ELAVL4: variants seen among roughly 807,000 people sequenced by gnomAD.
ELAVL4 encodes ELAV like RNA binding protein 4, also known as ELAV-like protein 4.
In ELAVL4, 1 loss-of-function variant was observed where a neutral mutation model predicts 35.6. The ratio of observed to expected loss-of-function variants is 0.03; its 90% CI spans 0.01 to 0.13. The LOEUF (loss-of-function observed/expected upper bound fraction) is 0.13, where lower values mean the gene tolerates loss of function less well. Among genes scored for constraint, ELAVL4 ranks in the 10% least tolerant of loss-of-function variants. The pLI is 1.00. For missense variants in ELAVL4, 267 were observed against 464.9 expected (o/e 0.57, Z 3.91); for synonymous variants, 156 against 171.0 (o/e 0.91, Z 0.69).
chr1:50,166,393 T>C (rs771112059), intron 2 of ELAVL4, among the ~76,000 whole-genome samples: 2 of 152,192 alleles, frequency 1.3e-5, no homozygotes, highest in Non-Finnish European at 2.9e-5. Context: ...AATGCTGATA[T>C]GAAGTCAATA....
At chr1:50,074,439 A>C (rs1664670563) in intron 1 of ELAVL4, among the ~76,000 whole-genome samples, 1 of 152,206 alleles carries the variant, frequency 6.6e-6, no homozygotes, top group Non-Finnish European at 1.5e-5. Context: ...TCTATATGCC[A>C]GGTGCATTGT....
chr1:50,136,314 G>A (rs1418791329), intron 1 of ELAVL4, among the ~76,000 whole-genome samples: 1 of 152,162 alleles, frequency 6.6e-6, no homozygotes, highest in African/African-American at 2.4e-5. Flanking sequence ...AGATGCAGTA[G>A]TCTGGGCTAT....
rs755820090 is a variant in ELAVL4, at chr1:50,168,984, GTA to G, written c.251-8090_251-8089del. ...TATATACACACACACATATATATAT[GTA>G]TATATATATATATAAAGAGGAGTTT... On this transcript the variant is annotated intron_variant, in intron 2 of 6. Transcript: ENST00000371824. 1.4e-3 allele frequency among the ~76,000 whole-genome samples: 197 copies of G among 144,176 alleles called. 1 individual carries two copies. Among genetic ancestry groups the G allele is most frequent in the African/African-American group, 4.2e-3 (164 of 39,186 alleles). 94.6% of individuals were successfully genotyped at this position (144,176 alleles called of 152,430 possible). A position where few individuals can be genotyped will look rare whatever the true frequency, so the allele number is the denominator to read the frequency against.
At chr1:50,074,069 C>G (rs1183804010) in intron 1 of ELAVL4, among the ~76,000 whole-genome samples, 1 of 152,210 alleles carries the variant, frequency 6.6e-6, no homozygotes, top group Non-Finnish European at 1.5e-5. Flanking sequence ...AAAGGTTTTA[C>G]TGGTAAAGCT....
chr1:50,197,040 T>C lies in ELAVL4; in HGVS notation c.735-389T>C, dbSNP rs569793214. On this transcript the variant is annotated intron_variant, in intron 5 of 6. Coordinates refer to ENST00000371824, the MANE Select transcript of ELAVL4 (RefSeq NM_001144774.3). ...ATACATATTGTGTGCCTGTGTATTG[T>C]TAATCTGGAACAGAGACCTTTATTT... Among the ~76,000 whole-genome samples, 3 of 152,226 alleles carry C rather than the reference T, an allele frequency of 2.0e-5. No homozygotes were observed. In the South Asian group the frequency reaches 6.2e-4, roughly 32 times the overall value.
rs139335974 is a variant in ELAVL4, at chr1:50,192,801, T to C, written c.355-964T>C. ...ATATTTCAAATGTCTGATGTTGTTT[T>C]CTTAAAAAATAAATAAATAAGTAAA... On this transcript the variant is annotated intron_variant, in intron 3 of 6. Coordinates refer to ENST00000371824, the MANE Select transcript of ELAVL4 (RefSeq NM_001144774.3). Among the ~76,000 whole-genome samples the C allele has an allele frequency of 5.7e-3, 866 of 152,324 alleles. 7 individuals are homozygous for C. The highest frequency in any genetic ancestry group is 0.024 in the Middle Eastern group (7 of 294).
chr1:50,064,638 A>G (rs1664171414), intron 1 of ELAVL4, among the ~76,000 whole-genome samples: 1 of 152,176 alleles, frequency 6.6e-6, no homozygotes, highest in Non-Finnish European at 1.5e-5. Flanking sequence ...TCACCATGAC[A>G]ACCCAAAACA....
intron 2 of ELAVL4, among the ~76,000 whole-genome samples, chr1:50,160,881 A>G (rs1676681984): frequency 6.6e-6 from 1 of 152,216 alleles, no homozygotes; most frequent in African/African-American, 2.4e-5. Context: ...GAGCTTCTAC[A>G]TGCGCTTTGT....
intron 1 of ELAVL4, among the ~76,000 whole-genome samples, chr1:50,069,761 G>A (rs1217913204): frequency 6.6e-6 from 1 of 152,128 alleles, no homozygotes; most frequent in East Asian, 1.9e-4. Context: ...CTCTTATTAA[G>A]CCCTTATCAT....
intron 2 of ELAVL4, among the ~76,000 whole-genome samples, chr1:50,151,726 A>C (rs1034976723): frequency 6.6e-6 from 1 of 152,210 alleles, no homozygotes; most frequent in African/African-American, 2.4e-5. Flanking sequence ...ATTTCAGAGG[A>C]AAATCAGGCA....
At chr1:50,187,704 C>T (rs1682041697) in intron 3 of ELAVL4, among the ~76,000 whole-genome samples, 1 of 152,104 alleles carries the variant, frequency 6.6e-6, no homozygotes, top group African/African-American at 2.4e-5. Context: ...GTGGTAAGGA[C>T]AGAAAAGATG....
intron 3 of ELAVL4, among the ~76,000 whole-genome samples, chr1:50,187,283 C>T (rs570660006): frequency 1.3e-5 from 2 of 152,324 alleles, no homozygotes; most frequent in Admixed American, 1.3e-4. Flanking sequence ...TCTCTACACC[C>T]TTGGTGTCTA....
rs913431650 is a variant in ELAVL4, at chr1:50,109,328, T to C, written c.9+130T>C. ...TGCTGTTTGGTTCCTACATTTACTA[T>C]CTCTTTTGTGTAGAGAGTGCGGGTA... On this transcript the variant is annotated intron_variant, in intron 1 of 6. Coordinates refer to ENST00000371824, the MANE Select transcript of ELAVL4 (RefSeq NM_001144774.3). The C allele has an allele frequency of 2.7e-5, 26 of 965,142 alleles. No individual in the cohort carries two copies. In the African/African-American group the frequency reaches 3.0e-4, roughly 11 times the overall value. 59.8% of individuals were successfully genotyped at this position (965,142 alleles called of 1,614,324 possible).
intron 2 of ELAVL4, among the ~76,000 whole-genome samples, chr1:50,150,507 GTC>G (rs1005198386): frequency 6.6e-6 from 1 of 152,180 alleles, no homozygotes; most frequent in African/African-American, 2.4e-5. Context: ...TCCTGAGCGT[GTC>G]TCTCTCAGTA....
chr1:50,076,226 A>G (rs771093815), intron 1 of ELAVL4, among the ~76,000 whole-genome samples: 2 of 152,168 alleles, frequency 1.3e-5, no homozygotes, highest in African/African-American at 2.4e-5. Context: ...TTCAGTTGAG[A>G]GTAAGGTAAC....
At chr1:50,150,452 C>G (rs1025335050) in intron 2 of ELAVL4, among the ~76,000 whole-genome samples, 12 of 152,190 alleles carry the variant, frequency 7.9e-5, no homozygotes, top group Non-Finnish European at 1.5e-4. Flanking sequence ...TGCAGTAACA[C>G]TGGGTAACTT....
intron 1 of ELAVL4, among the ~76,000 whole-genome samples, chr1:50,125,701 G>A (rs1391370743): frequency 1.3e-5 from 2 of 152,074 alleles, no homozygotes; most frequent in Non-Finnish European, 2.9e-5. Flanking sequence ...ACTAAGAACA[G>A]GGTCAGCCAG....
chr1:50,148,429 A>G (rs563976246), intron 2 of ELAVL4, among the ~76,000 whole-genome samples: 2 of 152,332 alleles, frequency 1.3e-5, no homozygotes, highest in South Asian at 4.1e-4. Flanking sequence ...TCCTCTGGGG[A>G]TATAACTCAG....
intron 3 of ELAVL4, among the ~76,000 whole-genome samples, chr1:50,188,131 G>A (rs1682114286): frequency 6.6e-6 from 1 of 152,128 alleles, no homozygotes; most frequent in Non-Finnish European, 1.5e-5. Flanking sequence ...AATAGTGTAG[G>A]ATGCCTCATG....
Sources: gnomAD v4.1 joint callset for allele counts (sites outside exome capture counted in the v4.1 genomes callset) on GRCh38, gnomAD v4.1.1 for gene constraint, MANE v1.5 for transcripts, NCBI Gene and HGNC (gene_info 2026-07-23, HGNC 2026-07-21) for gene names.